Variants in MAK observed in about 807,000 individuals in gnomAD.
The protein encoded by MAK is serine/threonine-protein kinase MAK.
Under a neutral mutation model 82.6 loss-of-function variants are expected in MAK, and 65 were observed. The observed-to-expected ratio is 0.79, with a 90% CI of 0.64 to 0.97. The LOEUF (loss-of-function observed/expected upper bound fraction) is 0.97. Among genes scored for constraint, MAK ranks in the 50% least tolerant of loss-of-function variants. The pLI is 0.00. For synonymous variants in MAK, 250 were observed against 274.2 expected (o/e 0.91, Z 0.87); for missense variants, 703 against 780.2 (o/e 0.90, Z 1.18).
At position 10,776,897 on chromosome 6, in the gene MAK, C is replaced by CTATTAGTGGTCTCA. The variant is rs1442381552; in HGVS notation, c.1466-1439_1466-1438insTGAGACCACTAATA. Among the ~76,000 whole-genome samples the CTATTAGTGGTCTCA allele has an allele frequency of 3.3e-5, 5 of 151,052 alleles. No individual in the cohort carries two copies. Among genetic ancestry groups the CTATTAGTGGTCTCA allele is most frequent in the African/African-American group, 9.7e-5 (4 of 41,132 alleles). On this transcript the variant is annotated intron_variant, in intron 11 of 14. Coordinates refer to ENST00000354489, the MANE Select transcript of MAK (RefSeq NM_001242957.3). The surrounding 1 kb of genome is among the most constrained non-coding windows in gnomAD (Gnocchi z 4.3). ...GTCAGGAGTTTGAGACCAGCTTGGC[C>CTATTAGTGGTCTCA]AACATAGTGAAACCCCATCTCTACT... is the stretch of plus-strand genomic sequence containing the variant.
intron 1 of MAK, among the ~76,000 whole-genome samples, chr6:10,835,766 G>C (rs543264227): frequency 6.6e-6 from 1 of 152,284 alleles, no homozygotes; most frequent in Non-Finnish European, 1.5e-5. Context: ...GGTAATGATG[G>C]TAGCGAGTGT....
chr6:10,783,829 G>C lies in MAK; in HGVS notation c.1465+595C>G, dbSNP rs894559189. Among the ~76,000 whole-genome samples the C allele has an allele frequency of 2.6e-5, 4 of 152,244 alleles. No homozygotes were observed. In the South Asian group the frequency reaches 6.2e-4, roughly 24 times the overall value. On this transcript the variant is annotated intron_variant, in intron 11 of 14. Transcript: ENST00000354489. ...AGGTCAGGAGATCGAGACCATCCCG[G>C]CTAACACGGTGAAACACCATCTCTA...
At chr6:10,772,586 G>T (rs1773110411) in intron 13 of MAK, among the ~76,000 whole-genome samples, 1 of 151,930 alleles carries the variant, frequency 6.6e-6, no homozygotes, top group Non-Finnish European at 1.5e-5. Context: ...CTCATGATCT[G>T]CCCGGCTCGG....
intron 8 of MAK, among the ~76,000 whole-genome samples, chr6:10,797,181 G>A (rs527388391): frequency 3.3e-5 from 5 of 152,070 alleles, no homozygotes; most frequent in East Asian, 1.9e-4. Flanking sequence ...TTATTTCATC[G>A]GTATACCAGC....
chr6:10,779,404 T>C (rs542651642), intron 11 of MAK: 3 of 985,278 alleles, frequency 3.0e-6, no homozygotes, highest in East Asian at 2.3e-4. Context: ...AGCCGGTTAG[T>C]AGTAGCAGGT....
At position 10,796,040 on chromosome 6, in the gene MAK, C is replaced by T. The variant is rs770917055; in HGVS notation, c.1101G>A (p.Pro367=). Residue 367 remains proline, a synonymous_variant, in exon 9 of 15, where the codon CCG becomes CCA. Transcript: ENST00000354489. ...QPPKQQSQEK[P]PQTLFPSIVK... is the part of the protein sequence containing the mutation. ...CGATGCTCGGGAATAGCGTTTGTGG[C>T]GGTTTCTCCTGACTCTGTTGCTTTG... 23 of 1,613,888 alleles carry T rather than the reference C, an allele frequency of 1.4e-5. No individual in the cohort carries two copies. The African/African-American group carries it at 1.5e-4, about 10-fold the overall frequency.
In MAK at chr6:10,775,478, C is replaced by G; in HGVS notation, c.1466-19G>C. 1 of 1,610,598 alleles carries G rather than the reference C, an allele frequency of 6.2e-7. No individual in the cohort carries two copies. The highest frequency in any genetic ancestry group is 1.7e-5 in the Admixed American group (1 of 59,896). ...TTCACACCTGAGAAGAACAAAACAA[C>G]CACTTCAAAGGTTAGAGCAGATCAT... On this transcript the variant is annotated intron_variant, in intron 11 of 14. Transcript: ENST00000354489.
chr6:10,812,702 A>C (rs544578390), intron 5 of MAK, among the ~76,000 whole-genome samples: 99 of 152,150 alleles, frequency 6.5e-4, no homozygotes, highest in Non-Finnish European at 1.1e-3. Context: ...CTAAAGGCTG[A>C]TGATGATTAA....
At chr6:10,821,301 A>C (rs1158443287) in intron 2 of MAK, among the ~76,000 whole-genome samples, 9 of 150,288 alleles carry the variant, frequency 6.0e-5, no homozygotes, top group Non-Finnish European at 1.0e-4. Context: ...TTTGAGATGG[A>C]GCCTCGCTCT....
intron 11 of MAK, chr6:10,780,150 G>T: frequency 3.5e-6 from 2 of 568,254 alleles, no homozygotes; most frequent in South Asian, 7.7e-5. Context: ...GCCAATAGGT[G>T]ACAGTAAGGC....
chr6:10,806,123 G>C (rs1776422710), intron 6 of MAK, among the ~76,000 whole-genome samples: 1 of 151,344 alleles, frequency 6.6e-6, no homozygotes. Context: ...CCTCTTGTTT[G>C]TTCCCTTCTC....
chr6:10,818,760 G>A, intron 3 of MAK, 126 bp downstream of exon 3: 1 of 678,354 alleles, frequency 1.5e-6, no homozygotes, highest in South Asian at 1.6e-5. Context: ...ATTAATTTAG[G>A]AATATAAAGG....
rs1772877709 is a variant in MAK at position 10,770,224 on chromosome 6, A to G, written c.1679T>C (p.Leu560Pro). 1.2e-6 allele frequency: 2 copies of G among 1,614,010 alleles called. No homozygotes were observed. The highest frequency in any genetic ancestry group is 2.2e-5 in the East Asian group (1 of 44,876). ...PEKLEDPQGN[L>P]GSYATYNQSG... is the part of the protein sequence containing the mutation. ...CTGATTGTAAGTAGCATAACTTCCA[A>G]GATTTCCTAGTGACATATCATAAAG... Residue 560 changes from leucine (L) to proline (P), a missense_variant, in exon 14 of 15, where the codon CTT (leucine) becomes CCT (proline). By Grantham distance (98) the Leu-to-Pro change is moderately conservative (BLOSUM62 -3). Coordinates refer to ENST00000354489, the MANE Select transcript of MAK (RefSeq NM_001242957.3).
chr6:10,800,061 AAAAC>A lies in MAK; in HGVS notation c.831+1827_831+1830del, dbSNP rs1235560168. Among the ~76,000 whole-genome samples the A allele has an allele frequency of 6.6e-6, 1 of 151,012 alleles. No homozygotes were observed. The highest frequency in any genetic ancestry group is 1.5e-5 in the Non-Finnish European group (1 of 67,818). On this transcript the variant is annotated intron_variant, in intron 8 of 14. Transcript: ENST00000354489. The surrounding 1 kb of genome is among the most constrained non-coding windows in gnomAD (Gnocchi z 4.2). ...AGACTCCGTTTCAAAAACAAAAACA[AAAAC>A]AAAAAAAAACTAAACAAAAAAACCC...
At chr6:10,813,086 T>TTTTA (rs1347378325) in intron 5 of MAK, among the ~76,000 whole-genome samples, 2 of 34,906 alleles carry the variant, frequency 5.7e-5, no homozygotes, top group African/African-American at 2.0e-4. Flanking sequence ...TTATGTATTT[T>TTTTA]TATATATATA....
At position 10,802,061 on chromosome 6, in the gene MAK, T is replaced by C; in HGVS notation, c.664-2A>G. 6.2e-7 allele frequency: 1 copy of C among 1,614,084 alleles called. No homozygotes were observed. The highest frequency in any genetic ancestry group is 8.5e-7 in the Non-Finnish European group (1 of 1,179,960). Reference sequence around the variant, plus strand: ...CTGGTATCCTTCTGGCCAGTCACTCTGTTTCAGGAATATATAAGTGCAGGT... The same window carrying C: ...CTGGTATCCTTCTGGCCAGTCACTCCGTTTCAGGAATATATAAGTGCAGGT... On this transcript the variant is annotated splice_acceptor_variant, in intron 7 of 14. Coordinates refer to ENST00000354489, the MANE Select transcript of MAK (RefSeq NM_001242957.3). LOFTEE classifies it high-confidence loss of function.
Position 10,773,026 on chromosome 6 carries a change from GA to G in MAK, c.1672+7del, listed in dbSNP as rs1248707021. ...ACAAACTGCATTCATCTGACGCCCA[GA>G]AATTACCTTGTGGGTCCTCTAATTT... On this transcript the variant is annotated splice_region_variant and intron_variant, in intron 13 of 14. Coordinates refer to ENST00000354489, the MANE Select transcript of MAK (RefSeq NM_001242957.3). 2.6e-6 allele frequency: 4 copies of G among 1,520,224 alleles called. No homozygotes were observed. Among genetic ancestry groups the G allele is most frequent in the Non-Finnish European group, 3.5e-6 (4 of 1,132,720 alleles). 94.2% of individuals were successfully genotyped at this position (1,520,224 alleles called of 1,614,324 possible).
intron 13 of MAK, 66 bp from the exon 14 acceptor site, chr6:10,770,296 G>A (rs2127511599): frequency 1.3e-6 from 2 of 1,545,426 alleles, no homozygotes; most frequent in Non-Finnish European, 1.8e-6. Flanking sequence ...GAATAACATT[G>A]AATACTACCC....
intron 10 of MAK, among the ~76,000 whole-genome samples, chr6:10,789,230 A>C (rs891165329): frequency 3.3e-5 from 5 of 152,074 alleles, no homozygotes; most frequent in African/African-American, 1.2e-4. Context: ...CCCAAAGTGA[A>C]GACTTCCATA....
Sources: allele counts gnomAD v4.1 joint callset (sites outside exome capture counted in the v4.1 genomes callset), GRCh38; gene constraint gnomAD v4.1.1; non-coding constraint Gnocchi (gnomAD v3.1); transcripts MANE v1.5; gene names NCBI Gene and HGNC (gene_info 2026-07-23, HGNC 2026-07-21).